The following XPR1 variants were observed in gnomAD, a reference collection of about 807,000 sequenced individuals.
The protein encoded by XPR1 is xenotropic and polytropic retrovirus receptor 1.
XPR1 carries 28 observed loss-of-function variants against 87.5 expected under a neutral mutation model. That is an observed-to-expected ratio of 0.32 (90% CI 0.24 to 0.44). The LOEUF (loss-of-function observed/expected upper bound fraction) is 0.44. XPR1 is among the 20% of genes least tolerant of loss of function. XPR1 has a pLI of 1.00. For synonymous variants in XPR1, 300 were observed against 306.1 expected (o/e 0.98, Z 0.21); for missense variants, 559 against 862.3 (o/e 0.65, Z 4.41).
chr1:180,678,467 G>A (rs192578327), intron 1 of XPR1, among the ~76,000 whole-genome samples: 52 of 152,204 alleles, frequency 3.4e-4, no homozygotes, highest in African/African-American at 1.2e-3. Context: ...CCGGGTACTG[G>A]ACACAAAGAC....
intron 3 of XPR1, among the ~76,000 whole-genome samples, chr1:180,793,896 C>G (rs61811199): frequency 0.053 from 8,110 of 151,794 alleles, 307 homozygotes; most frequent in Non-Finnish European, 0.079. Flanking sequence ...TCCTATTTTT[C>G]CTTTTTTCTT....
Position 180,641,610 on chromosome 1 carries a change from A to G in XPR1, c.69+9340A>G, listed in dbSNP as rs1654963945. On this transcript the variant is annotated intron_variant, in intron 1 of 14. Coordinates refer to ENST00000367590, the MANE Select transcript of XPR1 (RefSeq NM_004736.4). Reference sequence around the variant, plus strand: ...AATTGAGGTGAAATTTGCATGTGTTATTAAGTATGTCTGAATGGCTTAAGT... The same window carrying G: ...AATTGAGGTGAAATTTGCATGTGTTGTTAAGTATGTCTGAATGGCTTAAGT... 1.3e-5 allele frequency among the ~76,000 whole-genome samples: 2 copies of G among 152,164 alleles called. 1 individual carries two copies. The highest frequency in any genetic ancestry group is 4.1e-4 in the South Asian group (2 of 4,826).
intron 3 of XPR1, among the ~76,000 whole-genome samples, chr1:180,789,846 A>C (rs1034952435): frequency 2.6e-5 from 4 of 152,086 alleles, no homozygotes; most frequent in African/African-American, 7.2e-5. Context: ...TACCTTCTTC[A>C]TGCCTACCCC....
At chr1:180,796,411 A>G (rs1194431009) in intron 3 of XPR1, among the ~76,000 whole-genome samples, 1 of 151,880 alleles carries the variant, frequency 6.6e-6, no homozygotes, top group East Asian at 1.9e-4. Context: ...ATATTCCCCT[A>G]CCCCCACCTA....
intron 1 of XPR1, among the ~76,000 whole-genome samples, chr1:180,637,275 C>G (rs1345537353): frequency 7.2e-5 from 11 of 152,080 alleles, no homozygotes; most frequent in Admixed American, 7.2e-4. Context: ...AATCATTAAT[C>G]CAGTTATGGG....
At chr1:180,692,814 TATG>T (rs1406332001) in intron 2 of XPR1, among the ~76,000 whole-genome samples, 2 of 152,308 alleles carry the variant, frequency 1.3e-5, no homozygotes, top group African/African-American at 2.4e-5. Context: ...AAAATTATGT[TATG>T]ATAACAAATA....
intron 11 of XPR1, among the ~76,000 whole-genome samples, chr1:180,842,142 T>C (rs1651537194): frequency 6.6e-6 from 1 of 152,186 alleles, no homozygotes; most frequent in Non-Finnish European, 1.5e-5. Context: ...ATGTGTACTG[T>C]TACAAAGGAT....
In XPR1 at chr1:180,836,509, G is replaced by A. The variant is rs1651300293; in HGVS notation, c.1307-13G>A. On this transcript the variant is annotated splice_polypyrimidine_tract_variant and intron_variant, in intron 10 of 14. Coordinates refer to ENST00000367590, the MANE Select transcript of XPR1 (RefSeq NM_004736.4). The stretch of plus-strand genomic sequence containing the variant: ...TTTTCAATGGTAATTTTTCTTCTTT[G>A]AAATCTTCACAGAATCAGGAATTTG... 1 of 1,613,510 alleles carries A rather than the reference G, an allele frequency of 6.2e-7. No homozygotes were observed. Among genetic ancestry groups the A allele is most frequent in the African/African-American group, 1.3e-5 (1 of 74,974 alleles).
intron 3 of XPR1, among the ~76,000 whole-genome samples, chr1:180,795,477 T>C (rs149525492): frequency 9.3e-4 from 142 of 152,324 alleles, no homozygotes; most frequent in Non-Finnish European, 1.9e-3. Flanking sequence ...GAAATTGTAG[T>C]TTATTGGCAA....
intron 2 of XPR1, among the ~76,000 whole-genome samples, chr1:180,761,102 T>C (rs1390382368): frequency 6.6e-6 from 1 of 152,152 alleles, no homozygotes; most frequent in Non-Finnish European, 1.5e-5. Context: ...TTACACCTTA[T>C]AGAAAAATTA....
At chr1:180,810,054 C>T (rs1650151550) in intron 6 of XPR1, among the ~76,000 whole-genome samples, 1 of 152,088 alleles carries the variant, frequency 6.6e-6, no homozygotes, top group South Asian at 2.1e-4. Flanking sequence ...TTATAACATT[C>T]ACAGCAAATA....
At chr1:180,846,417 G>C (rs1183494471) in intron 11 of XPR1, among the ~76,000 whole-genome samples, 1 of 148,192 alleles carries the variant, frequency 6.7e-6, no homozygotes, top group Admixed American at 6.7e-5. Context: ...TGAATTTCTT[G>C]TTTGTTTGTT....
At chr1:180,711,342 G>T (rs149986866) in intron 2 of XPR1, among the ~76,000 whole-genome samples, 1 of 152,204 alleles carries the variant, frequency 6.6e-6, no homozygotes, top group South Asian at 2.1e-4. Context: ...CTGAGTGAAC[G>T]AGACTCCATC....
intron 2 of XPR1, among the ~76,000 whole-genome samples, chr1:180,772,605 T>A (rs766443518): frequency 1.3e-5 from 2 of 152,158 alleles, no homozygotes; most frequent in African/African-American, 4.8e-5. Flanking sequence ...AGGGACCAAG[T>A]GGGAGATGAT....
At chr1:180,882,327 A>C (rs1489865791) in intron 14 of XPR1, among the ~76,000 whole-genome samples, 1 of 152,106 alleles carries the variant, frequency 6.6e-6, no homozygotes, top group Non-Finnish European at 1.5e-5. Flanking sequence ...TGCAACCTTT[A>C]GCATATCCTT....
In XPR1 at chr1:180,632,174, C is replaced by G; in HGVS notation, c.-28C>G. 6 of 1,595,944 alleles carry G rather than the reference C, an allele frequency of 3.8e-6. No homozygotes were observed. Among genetic ancestry groups the G allele is most frequent in the East Asian group, 2.3e-5 (1 of 43,594 alleles). On this transcript the variant is annotated 5_prime_UTR_variant, in exon 1 of 15. Coordinates refer to ENST00000367590, the MANE Select transcript of XPR1 (RefSeq NM_004736.4). ...CGCCGCCGCCTGTAGCTGCTGGACC[C>G]GAGTGGGAGTGAGGGGGAAACGGCA...
intron 2 of XPR1, among the ~76,000 whole-genome samples, chr1:180,763,256 G>T (rs1648122906): frequency 6.6e-6 from 1 of 152,218 alleles, no homozygotes; most frequent in African/African-American, 2.4e-5. Context: ...AAGGAGTTTA[G>T]CATGAAGGAT....
intron 2 of XPR1, among the ~76,000 whole-genome samples, chr1:180,737,202 G>A (rs1394669834): frequency 6.6e-6 from 1 of 152,156 alleles, no homozygotes; most frequent in Non-Finnish European, 1.5e-5. Context: ...AGTCATCATG[G>A]CAGTTTTGCT....
Position 180,632,179 on chromosome 1 carries a change from G to A in XPR1, c.-23G>A, listed in dbSNP as rs1654605678. On this transcript the variant is annotated 5_prime_UTR_variant, in exon 1 of 15. Coordinates refer to ENST00000367590, the MANE Select transcript of XPR1 (RefSeq NM_004736.4). ...CCGCCTGTAGCTGCTGGACCCGAGT[G>A]GGAGTGAGGGGGAAACGGCAGGATG... 1 of 1,599,150 alleles carries A rather than the reference G, an allele frequency of 6.3e-7. No homozygotes were observed. Among genetic ancestry groups the A allele is most frequent in the African/African-American group, 1.3e-5 (1 of 74,526 alleles).
Sources: allele counts gnomAD v4.1 joint callset (sites outside exome capture counted in the v4.1 genomes callset), GRCh38; gene constraint gnomAD v4.1.1; transcripts MANE v1.5; gene names NCBI Gene and HGNC (gene_info 2026-07-23, HGNC 2026-07-21).